CELF2: variants seen among roughly 807,000 people sequenced by gnomAD.
CELF2 encodes CUGBP Elav-like family member 2.
Under a neutral mutation model 62.6 loss-of-function variants are expected in CELF2, and 8 were observed. The observed-to-expected ratio is 0.13, with a 90% CI of 0.07 to 0.23. The LOEUF is 0.23. Among genes scored for constraint, CELF2 ranks in the 10% least tolerant of loss-of-function variants. The pLI is 1.00. For synonymous variants in CELF2, 258 were observed against 250.0 expected (o/e 1.03, Z -0.30); for missense variants, 333 against 671.0 (o/e 0.50, Z 5.56).
At chr10:10,799,122 G>C (rs570206009) in intron 1 of CELF2, among the ~76,000 whole-genome samples, 1 of 152,232 alleles carries the variant, frequency 6.6e-6, no homozygotes, top group East Asian at 1.9e-4. Context: ...TGAATTTTTG[G>C]GCTTCAGGGG....
intron 1 of CELF2, among the ~76,000 whole-genome samples, chr10:11,124,059 T>C (rs540232039): frequency 6.6e-5 from 10 of 152,260 alleles, no homozygotes; most frequent in South Asian, 4.1e-4. Context: ...TGCAGGGGAA[T>C]TCCCGTGTAT....
chr10:10,974,120 C>A (rs1290015174), intron 2 of CELF2, among the ~76,000 whole-genome samples: 1 of 152,204 alleles, frequency 6.6e-6, no homozygotes, highest in Admixed American at 6.5e-5. Context: ...CCTTTGTAAA[C>A]TGAGTATAGA....
In CELF2 at chr10:11,075,256, C is replaced by T. The variant is rs2071491966; in HGVS notation, c.74+57093C>T. On this transcript the variant is annotated intron_variant, in intron 1 of 12. Transcript: ENST00000633077. The surrounding 1 kb of genome is among the most constrained non-coding windows in gnomAD (Gnocchi z 5.4). Reference sequence around the variant, plus strand: ...GGGATGTTCAGGAGTCATCAGAAGGCATGTTGATACTTCTTTTACTAAATA... The same window carrying T: ...GGGATGTTCAGGAGTCATCAGAAGGTATGTTGATACTTCTTTTACTAAATA... The T allele has an allele frequency of 1.3e-5, 2 of 152,266 alleles. No individual in the cohort carries two copies. Among genetic ancestry groups the T allele is most frequent in the East Asian group, 3.9e-4 (2 of 5,182 alleles). The allele number at this position is 152,266 out of a possible 1,614,324, so 9.4% of individuals were successfully genotyped here.
intron 1 of CELF2, among the ~76,000 whole-genome samples, chr10:10,859,230 T>C (rs12355025): frequency 0.17 from 26,152 of 152,140 alleles, 2,395 homozygotes; most frequent in Non-Finnish European, 0.21. Context: ...TCCCTCAAAA[T>C]TTAATAATCA....
At chr10:10,796,060 TATGGAAATGACTTTAAAA>T (rs1027020580), upstream of CELF2, among the ~76,000 whole-genome samples, 1 of 152,138 alleles carries the variant, frequency 6.6e-6, no homozygotes. Flanking sequence ...ATTTTCCGTT[TATGGAAATGACTTTAAAA>T]ATCCCTTTTG....
chr10:10,939,273 T>G (rs891892491), intron 2 of CELF2, among the ~76,000 whole-genome samples: 1 of 99,074 alleles, frequency 1.0e-5, no homozygotes, highest in Non-Finnish European at 1.8e-5. Flanking sequence ...TCTTTTGTTT[T>G]GTGGTGTTGT....
At chr10:11,307,020 T>C (rs756280909) in intron 9 of CELF2, among the ~76,000 whole-genome samples, 3 of 152,250 alleles carry the variant, frequency 2.0e-5, no homozygotes, top group Non-Finnish European at 4.4e-5. Context: ...TAAGGAGTTC[T>C]CTGTCCAACT....
chr10:10,666,861 CA>C, the CELF2 span, among the ~76,000 whole-genome samples: 123 of 25,216 alleles, frequency 4.9e-3, 4 homozygotes, highest in Non-Finnish European at 5.6e-3. Flanking sequence ...GACTCCGTCT[CA>C]AAAAAAAAAA....
chr10:11,130,487 C>G (rs1418106311), intron 1 of CELF2, among the ~76,000 whole-genome samples: 1 of 152,194 alleles, frequency 6.6e-6, no homozygotes, highest in Non-Finnish European at 1.5e-5. Flanking sequence ...AGACATTTAT[C>G]ACTCTCTGCT....
the CELF2 span, among the ~76,000 whole-genome samples, chr10:10,483,569 C>T: frequency 6.6e-6 from 1 of 152,100 alleles, no homozygotes; most frequent in Non-Finnish European, 1.5e-5. Context: ...ATAAATCAAC[C>T]AGTTTACTTA....
rs2056813344 is a variant in CELF2, at chr10:11,117,515, A to G, written c.75-47971A>G. 6.6e-6 allele frequency among the ~76,000 whole-genome samples: 1 copy of G among 152,186 alleles called. No homozygotes were observed. The highest frequency in any genetic ancestry group is 6.5e-5 in the Admixed American group (1 of 15,282). On this transcript the variant is annotated intron_variant, in intron 1 of 12. Coordinates refer to ENST00000633077, the MANE Select transcript of CELF2 (RefSeq NM_001326342.2). This position sits in a 1 kb window ranked among gnomAD's most constrained non-coding sequence, Gnocchi z 4.1. ...CAGCAGCTCTAGAGGCCACTCCTTTAGACCTAGGTCCATCTTGAGGTGTTG... is the reference window on the plus strand; with the variant it reads ...CAGCAGCTCTAGAGGCCACTCCTTTGGACCTAGGTCCATCTTGAGGTGTTG...
At chr10:10,560,838 A>T in the CELF2 span, among the ~76,000 whole-genome samples, 1 of 152,214 alleles carries the variant, frequency 6.6e-6, no homozygotes, top group Non-Finnish European at 1.5e-5. Flanking sequence ...ACTCAGCCAT[A>T]AAAAGGAATG....
rs2096052567 is a variant in CELF2 at position 11,332,731 on chromosome 10, C to T, written c.*3678C>T. 6.6e-6 allele frequency: 1 copy of T among 152,252 alleles called. No homozygotes were observed. The highest frequency in any genetic ancestry group is 1.5e-5 in the Non-Finnish European group (1 of 68,074). The allele number at this position is 152,252 out of a possible 1,614,324, so 9.4% of individuals were successfully genotyped here. A position where few individuals can be genotyped will look rare whatever the true frequency, so the allele number is the denominator to read the frequency against. On this transcript the variant is annotated 3_prime_UTR_variant, in exon 13 of 13. Transcript: ENST00000633077. ...ATAGCCCTGGGATGGAAAGGACTAGCCTCTACTGATGCAAAAAAACAAAAA... is the reference window on the plus strand; with the variant it reads ...ATAGCCCTGGGATGGAAAGGACTAGTCTCTACTGATGCAAAAAAACAAAAA...
intron 1 of CELF2, among the ~76,000 whole-genome samples, chr10:11,057,540 G>GGGGA (rs1217281742): frequency 6.6e-6 from 1 of 152,164 alleles, no homozygotes; most frequent in African/African-American, 2.4e-5. Context: ...CGGCCTTGTG[G>GGGGA]GGGAGGATAG....
intron 2 of CELF2, among the ~76,000 whole-genome samples, chr10:10,933,046 G>T (rs1252901436): frequency 2.6e-5 from 4 of 152,050 alleles, no homozygotes; most frequent in Non-Finnish European, 5.9e-5. Flanking sequence ...TGTAATCCCA[G>T]CACTTTGGGA....
intron 1 of CELF2, among the ~76,000 whole-genome samples, chr10:11,078,156 AG>A (rs1420641582): frequency 6.9e-6 from 1 of 144,294 alleles, no homozygotes; most frequent in Non-Finnish European, 1.5e-5. Flanking sequence ...GATACTTGAG[AG>A]CTTCTTTAAG....
intron 2 of CELF2, chr10:10,922,799 G>A (rs2065046628): frequency 1.3e-5 from 2 of 152,186 alleles, no homozygotes; most frequent in Admixed American, 1.3e-4. Context: ...TGGCGATAAA[G>A]GAGTGAGAAG....
At chr10:10,629,150 G>A in the CELF2 span, among the ~76,000 whole-genome samples, 1 of 152,068 alleles carries the variant, frequency 6.6e-6, no homozygotes, top group African/African-American at 2.4e-5. Context: ...AATACTCCTT[G>A]GTGCTGTACT....
the CELF2 span, among the ~76,000 whole-genome samples, chr10:10,770,399 T>C: frequency 6.6e-6 from 1 of 151,862 alleles, no homozygotes; most frequent in Non-Finnish European, 1.5e-5. Flanking sequence ...AGGACTGACC[T>C]AGGCTGAGGT....
Sources: allele counts gnomAD v4.1 joint callset (sites outside exome capture counted in the v4.1 genomes callset), GRCh38; gene constraint gnomAD v4.1.1; non-coding constraint Gnocchi (gnomAD v3.1); transcripts MANE v1.5; gene names NCBI Gene and HGNC (gene_info 2026-07-23, HGNC 2026-07-21).